MYO5A: variants seen among roughly 807,000 people sequenced by gnomAD.
MYO5A encodes myosin VA.
A neutral mutation model predicts 249.7 loss-of-function variants in MYO5A; 98 were observed. The ratio of observed to expected loss-of-function variants is 0.39; its 90% CI spans 0.33 to 0.46. The LOEUF is 0.46. Ranked by LOEUF, MYO5A falls within the 20% of genes least tolerant of loss-of-function variation. The probability of loss-of-function intolerance (pLI) is 0.98; values close to 1 mark genes in which losing one functional copy is unlikely to be tolerated. For missense variants in MYO5A, 1,696 were observed against 2,308.8 expected (o/e 0.73, Z 5.44); for synonymous variants, 778 against 810.6 (o/e 0.96, Z 0.68).
chr15:52,504,144 G>C (rs1298675513), intron 1 of MYO5A, among the ~76,000 whole-genome samples: 1 of 149,180 alleles, frequency 6.7e-6, no homozygotes, highest in East Asian at 1.9e-4. Flanking sequence ...CATAAACTTG[G>C]GATATCCTAG....
chr15:52,445,433 C>T (rs1245072020), intron 1 of MYO5A, among the ~76,000 whole-genome samples: 1 of 152,110 alleles, frequency 6.6e-6, no homozygotes, highest in African/African-American at 2.4e-5. Context: ...CTTACCCAGT[C>T]TCAGGTCTTT....
At chr15:52,407,247 A>G (rs1452090826) in intron 8 of MYO5A, 45 bp downstream of exon 8, 1 of 1,415,080 alleles carries the variant, frequency 7.1e-7, no homozygotes, top group Admixed American at 1.7e-5. Context: ...TTGCTTGAGT[A>G]AAAAAGCTAT....
chr15:52,443,612 G>A (rs1328427521), intron 1 of MYO5A, among the ~76,000 whole-genome samples: 3 of 151,294 alleles, frequency 2.0e-5, no homozygotes, highest in African/African-American at 4.9e-5. Flanking sequence ...TCGGGAGGCT[G>A]AGGCAGAACT....
chr15:52,526,178 G>T (rs565779413), intron 1 of MYO5A, among the ~76,000 whole-genome samples: 11 of 152,194 alleles, frequency 7.2e-5, no homozygotes, highest in African/African-American at 2.4e-4. Flanking sequence ...TGACAAAGAG[G>T]TTAAAAAAAA....
intron 25 of MYO5A, 58 bp from the exon 26 acceptor site, chr15:52,354,072 G>A: frequency 6.2e-7 from 1 of 1,601,932 alleles, no homozygotes; most frequent in Middle Eastern, 1.7e-4. Flanking sequence ...AAAAGCCAAT[G>A]AGAAAATGAC....
intron 1 of MYO5A, among the ~76,000 whole-genome samples, chr15:52,455,914 G>A (rs140354098): frequency 1.7e-4 from 26 of 152,088 alleles, no homozygotes; most frequent in African/African-American, 6.0e-4. Flanking sequence ...ATCAACAAAA[G>A]GATGTCTACT....
At chr15:52,461,397 T>C (rs929637688) in intron 1 of MYO5A, among the ~76,000 whole-genome samples, 3 of 152,330 alleles carry the variant, frequency 2.0e-5, no homozygotes, top group Non-Finnish European at 4.4e-5. Flanking sequence ...CAATAAATCA[T>C]CTTAACATTA....
chr15:52,314,105 G>A lies in MYO5A; in HGVS notation c.5490+18C>T. The A allele has an allele frequency of 1.9e-6, 3 of 1,577,138 alleles. No individual in the cohort carries two copies. The highest frequency in any genetic ancestry group is 2.6e-6 in the Non-Finnish European group (3 of 1,147,448). ...AAGACTGTGTTGGTGAATCAAAGAA[G>A]AAGATGGGAGCTCTTACCTGTATAG... On this transcript the variant is annotated intron_variant, in intron 41 of 41. Coordinates refer to ENST00000399233, the MANE Select transcript of MYO5A (RefSeq NM_001382347.1).
chr15:52,410,216 T>C, intron 6 of MYO5A, 117 bp downstream of exon 6: 1 of 1,225,426 alleles, frequency 8.2e-7, no homozygotes, highest in South Asian at 1.2e-5. Flanking sequence ...TGGTTGGAGG[T>C]AATATTGTCA....
chr15:52,384,454 A>G, intron 14 of MYO5A, 132 bp from the exon 15 acceptor site: 2 of 933,876 alleles, frequency 2.1e-6, no homozygotes, highest in Non-Finnish European at 3.4e-6. Flanking sequence ...AAGAGTCAGT[A>G]TCTGTGCTAA....
At chr15:52,424,705 C>A (rs1192215321) in intron 4 of MYO5A, among the ~76,000 whole-genome samples, 1 of 152,088 alleles carries the variant, frequency 6.6e-6, no homozygotes, top group East Asian at 1.9e-4. Flanking sequence ...ATAAATTACT[C>A]GTGGGTTTCC....
At chr15:52,486,888 G>C (rs2076832816) in intron 1 of MYO5A, among the ~76,000 whole-genome samples, 1 of 152,152 alleles carries the variant, frequency 6.6e-6, no homozygotes, top group South Asian at 2.1e-4. Flanking sequence ...CCATGTCATA[G>C]GCACACGGGT....
At position 52,448,957 on chromosome 15, in the gene MYO5A, CTTTTTTTTTTTTTTT is replaced by C. The variant is rs145765339; in HGVS notation, c.28-15687_28-15673del. 1.4e-4 allele frequency among the ~76,000 whole-genome samples: 8 copies of C among 55,594 alleles called. 1 individual carries two copies. The East Asian group carries it at 1.8e-3, about 13-fold the overall frequency. The allele number at this position is 55,594 out of a possible 152,430, so 36.5% of individuals were successfully genotyped here. On this transcript the variant is annotated intron_variant, in intron 1 of 41. Coordinates refer to ENST00000399233, the MANE Select transcript of MYO5A (RefSeq NM_001382347.1). ...TTTTTTTTTTTCTTTTCTTGTCTTT[CTTTTTTTTTTTTTTT>C]TTTTTTTTTTTTTTGAGACAGAGTC... is the stretch of plus-strand genomic sequence containing the variant.
At chr15:52,474,623 C>T (rs2076550754) in intron 1 of MYO5A, among the ~76,000 whole-genome samples, 1 of 152,026 alleles carries the variant, frequency 6.6e-6, no homozygotes, top group Non-Finnish European at 1.5e-5. Context: ...TGTCAAAGGC[C>T]TTTTCTGCAT....
intron 9 of MYO5A, among the ~76,000 whole-genome samples, chr15:52,401,324 C>A (rs2042745932): frequency 6.6e-6 from 1 of 152,226 alleles, no homozygotes; most frequent in Non-Finnish European, 1.5e-5. Flanking sequence ...CCCGCCTCAG[C>A]CTCCCAAAGT....
At chr15:52,462,238 C>T (rs1458361670) in intron 1 of MYO5A, among the ~76,000 whole-genome samples, 1 of 151,452 alleles carries the variant, frequency 6.6e-6, no homozygotes, top group Non-Finnish European at 1.5e-5. Context: ...TGCACTCCAG[C>T]CTGGGCGACA....
At chr15:52,319,708 G>A (rs1017110043) in intron 38 of MYO5A, among the ~76,000 whole-genome samples, 4 of 152,162 alleles carry the variant, frequency 2.6e-5, no homozygotes, top group Admixed American at 2.6e-4. Context: ...TCCAGGCTGG[G>A]TGACAGAGAG....
At chr15:52,463,742 A>C (rs2076298936) in intron 1 of MYO5A, among the ~76,000 whole-genome samples, 1 of 152,212 alleles carries the variant, frequency 6.6e-6, no homozygotes, top group African/African-American at 2.4e-5. Flanking sequence ...AAGATGCCTA[A>C]GCTATTTTTG....
intron 25 of MYO5A, among the ~76,000 whole-genome samples, chr15:52,354,689 G>C (rs915756646): frequency 2.6e-5 from 4 of 151,948 alleles, no homozygotes; most frequent in Admixed American, 2.0e-4. Context: ...CCCCATCTCT[G>C]CTAAAAATAT....
Sources: gnomAD v4.1 joint callset for allele counts (sites outside exome capture counted in the v4.1 genomes callset) on GRCh38, gnomAD v4.1.1 for gene constraint, MANE v1.5 for transcripts, NCBI Gene and HGNC (gene_info 2026-07-23, HGNC 2026-07-21) for gene names.